CD2AP: variants seen among roughly 807,000 people sequenced by gnomAD.
The protein encoded by CD2AP is CD2-associated protein.
In CD2AP, 46 loss-of-function variants were observed where a neutral mutation model predicts 85.1. The ratio of observed to expected loss-of-function variants is 0.54; its 90% confidence interval spans 0.43 to 0.69. The LOEUF (loss-of-function observed/expected upper bound fraction) is 0.69, where lower values mean the gene tolerates loss of function less well. Among genes scored for constraint, CD2AP ranks in the 30% least tolerant of loss-of-function variants. The pLI, the probability that CD2AP is intolerant of heterozygous loss-of-function variation, is 0.00. For synonymous variants in CD2AP, 255 were observed against 252.9 expected (o/e 1.01, Z -0.08); for missense variants, 769 against 729.5 (o/e 1.05, Z -0.62).
intron 5 of CD2AP, among the ~76,000 whole-genome samples, chr6:47,556,939 G>C (rs546459989): frequency 6.6e-6 from 1 of 152,088 alleles, no homozygotes; most frequent in Non-Finnish European, 1.5e-5. Flanking sequence ...ACACTCCCGT[G>C]AACAGTGTAC....
At chr6:47,554,881 A>T in intron 5 of CD2AP, 115 bp downstream of exon 5, 2 of 1,071,646 alleles carry the variant, frequency 1.9e-6, no homozygotes, top group East Asian at 5.3e-5. Flanking sequence ...AGTCAGCTTC[A>T]ATTAGTCTAC....
chr6:47,619,855 A>G (rs1444976570), intron 17 of CD2AP, among the ~76,000 whole-genome samples: 1 of 152,154 alleles, frequency 6.6e-6, no homozygotes, highest in African/African-American at 2.4e-5. Context: ...TCTGTTGGCC[A>G]TTTGCACATC....
intron 2 of CD2AP, among the ~76,000 whole-genome samples, chr6:47,519,006 C>T (rs369889247): frequency 6.6e-6 from 1 of 152,166 alleles, no homozygotes. Context: ...ATTTGCCACT[C>T]ATTTATTTAT....
chr6:47,621,952 A>G (rs187559267), intron 17 of CD2AP, among the ~76,000 whole-genome samples: 26 of 152,254 alleles, frequency 1.7e-4, no homozygotes, highest in Admixed American at 1.5e-3. Flanking sequence ...TGGGTAGGGA[A>G]GGGCCATCAG....
At chr6:47,492,195 C>T (rs903362841) in intron 1 of CD2AP, among the ~76,000 whole-genome samples, 2 of 152,142 alleles carry the variant, frequency 1.3e-5, no homozygotes, top group South Asian at 2.1e-4. Flanking sequence ...ATACCTTAGA[C>T]TAGGTAATTT....
At chr6:47,479,346 G>C (rs1765387380) in intron 1 of CD2AP, among the ~76,000 whole-genome samples, 1 of 152,310 alleles carries the variant, frequency 6.6e-6, no homozygotes, top group Admixed American at 6.5e-5. Context: ...GACTACTGCT[G>C]ATGTGGCACC....
At chr6:47,579,664 G>A (rs770534966) in intron 9 of CD2AP, 175 bp downstream of exon 9, 13 of 579,516 alleles carry the variant, frequency 2.2e-5, no homozygotes, top group African/African-American at 1.1e-4. Context: ...TTTCAGTTCC[G>A]TACTTTATTC....
chr6:47,512,099 A>G (rs1481247571), intron 2 of CD2AP, among the ~76,000 whole-genome samples: 2 of 152,130 alleles, frequency 1.3e-5, no homozygotes, highest in African/African-American at 2.4e-5. Flanking sequence ...CGGAGCTTGC[A>G]GTGAGCCGAG....
At chr6:47,528,149 T>C (rs922093544) in intron 2 of CD2AP, among the ~76,000 whole-genome samples, 1 of 152,200 alleles carries the variant, frequency 6.6e-6, no homozygotes, top group Non-Finnish European at 1.5e-5. Flanking sequence ...AGTTCACAAC[T>C]AATGGCTGTT....
chr6:47,604,282 ATG>A (rs1769214362), intron 13 of CD2AP, among the ~76,000 whole-genome samples: 2 of 151,984 alleles, frequency 1.3e-5, no homozygotes, highest in African/African-American at 4.8e-5. Flanking sequence ...TGAGTCCAAA[ATG>A]TGCACTGTTC....
At chr6:47,557,870 G>T (rs992119961) in intron 5 of CD2AP, among the ~76,000 whole-genome samples, 11 of 152,150 alleles carry the variant, frequency 7.2e-5, no homozygotes, top group East Asian at 3.8e-4. Context: ...AAGAAAGTCA[G>T]TGGTAGCTTG....
intron 1 of CD2AP, among the ~76,000 whole-genome samples, chr6:47,491,259 A>ATGTG (rs1222127720): frequency 1.2e-4 from 14 of 120,852 alleles, no homozygotes; most frequent in Middle Eastern, 7.5e-3. Context: ...TCTTCCTGAT[A>ATGTG]TGTGTGTGTG....
chr6:47,600,400 C>T (rs1278033491), intron 13 of CD2AP, among the ~76,000 whole-genome samples: 2 of 151,594 alleles, frequency 1.3e-5, no homozygotes, highest in Non-Finnish European at 3.0e-5. Context: ...TTTTTATTAC[C>T]TTATTATAAA....
At chr6:47,581,853 G>A in intron 10 of CD2AP, 150 bp from the exon 11 acceptor site, 1 of 606,288 alleles carries the variant, frequency 1.6e-6, no homozygotes, top group South Asian at 1.9e-5. Context: ...ATTAGAAATT[G>A]AGCCTGGTAA....
chr6:47,502,864 C>T (rs1766033238), intron 1 of CD2AP, among the ~76,000 whole-genome samples: 1 of 152,114 alleles, frequency 6.6e-6, no homozygotes, highest in African/African-American at 2.4e-5. Flanking sequence ...TGAGACATTA[C>T]GCCCTGCCAT....
At chr6:47,608,838 G>C (rs1006084245) in intron 15 of CD2AP, among the ~76,000 whole-genome samples, 1 of 152,030 alleles carries the variant, frequency 6.6e-6, no homozygotes, top group Non-Finnish European at 1.5e-5. Flanking sequence ...TCTTGCCCCT[G>C]TTTCACTAGG....
rs1766270769 is a variant in CD2AP, at chr6:47,509,937, C to T, written c.165+6497C>T. On this transcript the variant is annotated intron_variant, in intron 2 of 17. Coordinates refer to ENST00000359314, the MANE Select transcript of CD2AP (RefSeq NM_012120.3). ...AAATACAAAACATTTATATAGTTCT[C>T]TTGAGTGTATGCTAATGTATATTTC... Among the ~76,000 whole-genome samples, 10 of 152,202 alleles carry T rather than the reference C, an allele frequency of 6.6e-5. No individual in the cohort carries two copies. In the South Asian group the frequency reaches 2.1e-3, roughly 32 times the overall value.
At chr6:47,569,324 A>G (rs1195013020) in intron 5 of CD2AP, among the ~76,000 whole-genome samples, 1 of 152,130 alleles carries the variant, frequency 6.6e-6, no homozygotes, top group Non-Finnish European at 1.5e-5. Context: ...TATGGCTATT[A>G]TGATTAGTCT....
intron 2 of CD2AP, among the ~76,000 whole-genome samples, chr6:47,512,074 T>C (rs1766329376): frequency 6.6e-6 from 1 of 151,224 alleles, no homozygotes; most frequent in Non-Finnish European, 1.5e-5. Flanking sequence ...AGGAGAATGG[T>C]GTGAAGCCGG....
Sources: gnomAD v4.1 joint callset for allele counts (sites outside exome capture counted in the v4.1 genomes callset) on GRCh38, gnomAD v4.1.1 for gene constraint, MANE v1.5 for transcripts, NCBI Gene and HGNC (gene_info 2026-07-23, HGNC 2026-07-21) for gene names.